ATXN8OS: variants seen among roughly 807,000 people sequenced by gnomAD.
ATXN8OS encodes ATXN8 opposite strand (non-protein coding).
intron 2 of ATXN8OS, among the ~76,000 whole-genome samples, chr13:70,117,589 A>G (rs757393458): frequency 6.6e-6 from 1 of 152,096 alleles, no homozygotes; most frequent in African/African-American, 2.4e-5. Flanking sequence ...CTGACTGGAA[A>G]GCAACATTGT....
At position 70,147,953 on chromosome 13, in the gene ATXN8OS, G is replaced by A. The variant is rs950537022; in HGVS notation, n.573+525G>A. ...CCAGAAAGGTGGAACATCTTGAAGC[G>A]GTGGCTTCCAGGTCATAGATGGATT... is the stretch of plus-strand genomic sequence containing the variant. On this transcript the variant is annotated intron_variant and non_coding_transcript_variant, in intron 4 of 4. Coordinates refer to ENST00000678624, the Ensembl canonical transcript of ATXN8OS. Among the ~76,000 whole-genome samples the A allele has an allele frequency of 2.6e-5, 4 of 152,280 alleles. No individual in the cohort carries two copies. The East Asian group carries it at 5.8e-4, about 22-fold the overall frequency.
chr13:70,147,246 C>A (rs1382401692), intron 3 of ATXN8OS, among the ~76,000 whole-genome samples: 2 of 152,138 alleles, frequency 1.3e-5, no homozygotes, highest in Non-Finnish European at 2.9e-5. Flanking sequence ...TATAAGAATG[C>A]TAATTAAACT....
At chr13:70,107,824 C>G in exon 1 of ATXN8OS, 1 of 710,356 alleles carries the variant, frequency 1.4e-6, no homozygotes, top group Non-Finnish European at 2.2e-6. Flanking sequence ...ACCCCTAGAG[C>G]CAGAAGACGC....
At chr13:70,150,513 A>C (rs926973148) in intron 4 of ATXN8OS, among the ~76,000 whole-genome samples, 2 of 152,098 alleles carry the variant, frequency 1.3e-5, no homozygotes, top group African/African-American at 4.8e-5. Flanking sequence ...AGGAGACTGC[A>C]GGCTACTGAA....
At chr13:70,142,797 G>A (rs1220130689) in intron 3 of ATXN8OS, among the ~76,000 whole-genome samples, 3 of 152,032 alleles carry the variant, frequency 2.0e-5, no homozygotes, top group Non-Finnish European at 2.9e-5. Context: ...AAATGCGGCC[G>A]GCCGCAGGGC....
At chr13:70,150,910 T>G (rs2137498801) in intron 4 of ATXN8OS, among the ~76,000 whole-genome samples, 1 of 152,262 alleles carries the variant, frequency 6.6e-6, no homozygotes, top group Middle Eastern at 3.4e-3. Context: ...GGCATTTTAC[T>G]AAGTTGCTCA....
intron 4 of ATXN8OS, among the ~76,000 whole-genome samples, chr13:70,165,057 T>C (rs796860086): frequency 1.2e-4 from 18 of 152,074 alleles, no homozygotes; most frequent in Admixed American, 5.9e-4. Flanking sequence ...ATATGGCCTC[T>C]GGATTTACAG....
intron 1 of ATXN8OS, among the ~76,000 whole-genome samples, chr13:70,112,550 T>C (rs942068630): frequency 2.0e-5 from 3 of 152,146 alleles, no homozygotes; most frequent in African/African-American, 7.2e-5. Flanking sequence ...AGTATAGTTA[T>C]AGTTTACTTA....
intron 4 of ATXN8OS, among the ~76,000 whole-genome samples, chr13:70,153,807 G>A (rs1888903281): frequency 6.6e-6 from 1 of 151,984 alleles, no homozygotes; most frequent in Admixed American, 6.6e-5. Flanking sequence ...AACCTCCCAA[G>A]CAGCTAGGAC....
chr13:70,139,164 C>T (rs973635955), intron 3 of ATXN8OS: 24 of 411,520 alleles, frequency 5.8e-5, no homozygotes, highest in Non-Finnish European at 5.1e-5. Context: ...ACCTGTCATT[C>T]TAGTTTTTAC....
At chr13:70,148,546 G>C (rs959122376) in intron 4 of ATXN8OS, among the ~76,000 whole-genome samples, 1 of 151,874 alleles carries the variant, frequency 6.6e-6, no homozygotes, top group Non-Finnish European at 1.5e-5. Context: ...CTGAGAGATG[G>C]GTCCACTCAA....
At chr13:70,142,018 G>A (rs1888725098) in intron 3 of ATXN8OS, among the ~76,000 whole-genome samples, 1 of 152,132 alleles carries the variant, frequency 6.6e-6, no homozygotes, top group African/African-American at 2.4e-5. Context: ...TGAGTAGCTG[G>A]GAGGACAGGC....
chr13:70,119,124 TCTAA>T (rs1005596246), intron 2 of ATXN8OS, among the ~76,000 whole-genome samples: 71 of 152,196 alleles, frequency 4.7e-4, no homozygotes, highest in African/African-American at 1.5e-3. Context: ...GATTGTAAAG[TCTAA>T]CTAACCCCAC....
chr13:70,150,577 G>A (rs891960476), intron 4 of ATXN8OS, among the ~76,000 whole-genome samples: 2 of 152,004 alleles, frequency 1.3e-5, no homozygotes, highest in African/African-American at 2.4e-5. Flanking sequence ...TAGGAGAAGT[G>A]GTAAGACATT....
chr13:70,158,025 AAGAG>A (rs768184554), intron 4 of ATXN8OS, among the ~76,000 whole-genome samples: 26 of 152,294 alleles, frequency 1.7e-4, no homozygotes, highest in South Asian at 1.0e-3. Flanking sequence ...TTCATTCAGT[AAGAG>A]AGTTAATCTG....
chr13:70,151,549 G>T (rs937989670), intron 4 of ATXN8OS, among the ~76,000 whole-genome samples: 4 of 152,062 alleles, frequency 2.6e-5, no homozygotes, highest in Non-Finnish European at 2.9e-5. Flanking sequence ...AGATAGGAAG[G>T]TTAGTTGCAA....
chr13:70,146,560 T>C (rs1287573772), intron 3 of ATXN8OS, among the ~76,000 whole-genome samples: 2 of 152,226 alleles, frequency 1.3e-5, no homozygotes, highest in Middle Eastern at 3.4e-3. Context: ...GTGGCACATA[T>C]ACACCAGGGA....
At chr13:70,155,640 C>T (rs1888926651) in intron 4 of ATXN8OS, among the ~76,000 whole-genome samples, 1 of 152,144 alleles carries the variant, frequency 6.6e-6, no homozygotes, top group African/African-American at 2.4e-5. Context: ...AATTATCTCT[C>T]CTAACAGAAT....
At chr13:70,127,929 C>T (rs143901963) in intron 2 of ATXN8OS, among the ~76,000 whole-genome samples, 10 of 152,024 alleles carry the variant, frequency 6.6e-5, no homozygotes, top group Admixed American at 1.3e-4. Context: ...AATGAGTGAG[C>T]GAGTTTTCAC....
Sources: gnomAD v4.1 joint callset for allele counts (sites outside exome capture counted in the v4.1 genomes callset) on GRCh38, gnomAD v4.1.1 for gene constraint, MANE v1.5 for transcripts, NCBI Gene and HGNC (gene_info 2026-07-23, HGNC 2026-07-21) for gene names.